The following CYFIP2 variants were observed in gnomAD, a reference collection of about 807,000 sequenced individuals.
CYFIP2 encodes cytoplasmic FMR1 interacting protein 2.
In CYFIP2, 29 loss-of-function variants were observed where a neutral mutation model predicts 158.7. That is an observed-to-expected ratio of 0.18 (90% CI 0.14 to 0.25). The LOEUF is 0.25. Among genes scored for constraint, CYFIP2 ranks in the 10% least tolerant of loss-of-function variants. CYFIP2 has a pLI of 1.00. For synonymous variants in CYFIP2, 585 were observed against 617.6 expected (o/e 0.95, Z 0.78); for missense variants, 852 against 1,639.5 (o/e 0.52, Z 8.29).
At chr5:157,274,990 G>T (rs910551575) in intron 1 of CYFIP2, among the ~76,000 whole-genome samples, 2 of 151,990 alleles carry the variant, frequency 1.3e-5, no homozygotes, top group African/African-American at 4.8e-5. Flanking sequence ...TGCCCAGGCT[G>T]GTCTTGAACT....
At chr5:157,318,250 T>C (rs1760310239) in intron 13 of CYFIP2, among the ~76,000 whole-genome samples, 1 of 152,200 alleles carries the variant, frequency 6.6e-6, no homozygotes, top group South Asian at 2.1e-4. Context: ...AGTTATTTGG[T>C]GGTTAGTGAT....
At chr5:157,324,131 G>A in intron 16 of CYFIP2, 57 bp downstream of exon 16, 1 of 1,542,646 alleles carries the variant, frequency 6.5e-7, no homozygotes. Context: ...GGCTCTCAGA[G>A]CCGCTAAGAC....
intron 23 of CYFIP2, among the ~76,000 whole-genome samples, chr5:157,350,250 T>G (rs1408429318): frequency 6.6e-6 from 1 of 152,228 alleles, no homozygotes; most frequent in Non-Finnish European, 1.5e-5. Flanking sequence ...ATTTTTATGG[T>G]TTCAGGTCTT....
At position 157,314,324 on chromosome 5, in the gene CYFIP2, T is replaced by C. The variant is rs1450166618; in HGVS notation, c.1111-20T>C. 2 of 1,612,116 alleles carry C rather than the reference T, an allele frequency of 1.2e-6. No individual in the cohort carries two copies. Among genetic ancestry groups the C allele is most frequent in the African/African-American group, 1.3e-5 (1 of 74,990 alleles). ...GTGTCAGGCACATAGACCATGAGTATGACACCTGATGCTCCCCAGGTGGTG... is the reference window on the plus strand; with the variant it reads ...GTGTCAGGCACATAGACCATGAGTACGACACCTGATGCTCCCCAGGTGGTG... On this transcript the variant is annotated intron_variant, in intron 11 of 30. Transcript: ENST00000620254.
At chr5:157,386,670 A>G (rs1766724818) in intron 28 of CYFIP2, among the ~76,000 whole-genome samples, 1 of 152,236 alleles carries the variant, frequency 6.6e-6, no homozygotes, top group Non-Finnish European at 1.5e-5. Flanking sequence ...CTGGAATCCC[A>G]GCACTTTGGG....
intron 28 of CYFIP2, among the ~76,000 whole-genome samples, chr5:157,387,231 T>G (rs1229128683): frequency 6.6e-6 from 1 of 152,218 alleles, no homozygotes; most frequent in Non-Finnish European, 1.5e-5. Context: ...TATTTTTATT[T>G]TCTTAGAACT....
chr5:157,330,919 G>T, intron 20 of CYFIP2, 69 bp downstream of exon 20: 1 of 1,274,014 alleles, frequency 7.8e-7, no homozygotes. Flanking sequence ...TTAGCATAGA[G>T]ATCAGAAATC....
At position 157,280,799 on chromosome 5, in the gene CYFIP2, CTA is replaced by C. The variant is rs560880767; in HGVS notation, c.-23-4536_-23-4535del. ...GAAGCAAAACCCTGTGTCCTTTTAT[CTA>C]TATTTTAGTAGATCTTTCTGGAAGA... is the stretch of plus-strand genomic sequence containing the variant. On this transcript the variant is annotated intron_variant, in intron 1 of 30. Transcript: ENST00000620254. 8.1e-3 allele frequency among the ~76,000 whole-genome samples: 1,231 copies of C among 151,982 alleles called. 21 individuals carry two copies. The highest frequency in any genetic ancestry group is 0.028 in the African/African-American group (1,172 of 41,428).
At chr5:157,294,517 CATCT>C (rs1170546710) in intron 3 of CYFIP2, among the ~76,000 whole-genome samples, 1 of 152,300 alleles carries the variant, frequency 6.6e-6, no homozygotes, top group East Asian at 1.9e-4. Context: ...GGTAGCCATC[CATCT>C]GTTTGGGAAA....
At chr5:157,373,349 G>A (rs1765167791) in intron 26 of CYFIP2, among the ~76,000 whole-genome samples, 1 of 152,164 alleles carries the variant, frequency 6.6e-6, no homozygotes, top group Admixed American at 6.5e-5. Flanking sequence ...TTACGACCTT[G>A]GCCTTGTAAT....
In CYFIP2 at chr5:157,343,404, G is replaced by A. The variant is rs772797212; in HGVS notation, c.2673+2247G>A. On this transcript the variant is annotated intron_variant, in intron 23 of 30. Coordinates refer to ENST00000620254, the MANE Select transcript of CYFIP2 (RefSeq NM_001037333.3). ...TTCTCCTCGTGGTGGAAGCTGTAGC[G>A]AAGATAGCCAGAGAAGATGCTGTTC... 3.7e-5 allele frequency: 59 copies of A among 1,614,054 alleles called. No individual in the cohort carries two copies. The highest frequency in any genetic ancestry group is 3.6e-4 in the East Asian group (16 of 44,892).
At chr5:157,360,828 A>G (rs1271996474) in intron 25 of CYFIP2, among the ~76,000 whole-genome samples, 5 of 152,224 alleles carry the variant, frequency 3.3e-5, no homozygotes, top group Non-Finnish European at 7.3e-5. Context: ...TTCCTTCCTT[A>G]ATAGTGAACT....
At position 157,266,616 on chromosome 5, in the gene CYFIP2, G is replaced by C. The variant is rs1463173581; in HGVS notation, c.-24+421G>C. ...CAGAGCGCTGGCCCCTGCCTCTGCC[G>C]CCGTGACCACCGTCACCTCCCCCAG... is the stretch of plus-strand genomic sequence containing the variant. On this transcript the variant is annotated intron_variant, in intron 1 of 30. Coordinates refer to ENST00000620254, the MANE Select transcript of CYFIP2 (RefSeq NM_001037333.3). The surrounding 1 kb of genome is among the most constrained non-coding windows in gnomAD (Gnocchi z 4.2). 2 of 152,420 alleles carry C rather than the reference G, an allele frequency of 1.3e-5. No homozygotes were observed. The highest frequency in any genetic ancestry group is 1.3e-4 in the Admixed American group (2 of 15,288). The allele number at this position is 152,420 out of a possible 1,614,324, so 9.4% of individuals were successfully genotyped here. A position where few individuals can be genotyped will look rare whatever the true frequency, so the allele number is the denominator to read the frequency against.
chr5:157,303,411 G>A (rs1017412121), intron 7 of CYFIP2, among the ~76,000 whole-genome samples: 3 of 152,160 alleles, frequency 2.0e-5, no homozygotes, highest in Non-Finnish European at 4.4e-5. Context: ...GCTTTGCCAG[G>A]GTACACCCCT....
intron 21 of CYFIP2, among the ~76,000 whole-genome samples, chr5:157,338,088 C>T (rs1449326650): frequency 6.6e-6 from 1 of 152,214 alleles, no homozygotes; most frequent in Non-Finnish European, 1.5e-5. Flanking sequence ...ACTTTGATTC[C>T]TTTTGATAGC....
At chr5:157,363,219 G>T (rs1168498692) in intron 26 of CYFIP2, 1 of 152,194 alleles carries the variant, frequency 6.6e-6, no homozygotes, top group Non-Finnish European at 1.5e-5. Context: ...AGGTGTCGAG[G>T]TAACGGAGAA....
At position 157,389,045 on chromosome 5, in the gene CYFIP2, A is replaced by G. The variant is rs538598463; in HGVS notation, c.3208-144A>G. On this transcript the variant is annotated intron_variant, in intron 28 of 30. Transcript: ENST00000620254. ...CCTGCTGTTGCATTCAGGATCATCA[A>G]TTTTGTGCCCTGCTCTGAACAAGAC... is the stretch of plus-strand genomic sequence containing the variant. The G allele has an allele frequency of 1.1e-5, 7 of 655,946 alleles. No homozygotes were observed. The East Asian group carries it at 1.6e-4, about 15-fold the overall frequency. The allele number at this position is 655,946 out of a possible 1,614,324, so 40.6% of individuals were successfully genotyped here. A position where few individuals can be genotyped will look rare whatever the true frequency, so the allele number is the denominator to read the frequency against.
intron 21 of CYFIP2, among the ~76,000 whole-genome samples, chr5:157,335,666 C>T (rs763041900): frequency 6.7e-4 from 102 of 152,284 alleles, no homozygotes; most frequent in Middle Eastern, 3.4e-3. Context: ...TACCCACCCA[C>T]CTAAGTCCTG....
Position 157,311,627 on chromosome 5 carries a change from G to A in CYFIP2, c.993-37G>A, listed in dbSNP as rs1466583085. On this transcript the variant is annotated intron_variant, in intron 10 of 30. Coordinates refer to ENST00000620254, the MANE Select transcript of CYFIP2 (RefSeq NM_001037333.3). This position sits in a 1 kb window ranked among gnomAD's most constrained non-coding sequence, Gnocchi z 4.7. ...TGCCTGTTCCACCCAGGCGCCTGAG[G>A]CTGGGACCCTCTCCGACCCCATAAT... The A allele has an allele frequency of 1.9e-6, 3 of 1,558,032 alleles. No homozygotes were observed. Among genetic ancestry groups the A allele is most frequent in the Non-Finnish European group, 2.6e-6 (3 of 1,149,086 alleles).
Sources: allele counts gnomAD v4.1 joint callset (sites outside exome capture counted in the v4.1 genomes callset), GRCh38; gene constraint gnomAD v4.1.1; non-coding constraint Gnocchi (gnomAD v3.1); transcripts MANE v1.5; gene names NCBI Gene and HGNC (gene_info 2026-07-23, HGNC 2026-07-21).